The following KAZN variants were observed in gnomAD, a reference collection of about 807,000 sequenced individuals.
The protein encoded by KAZN is kazrin, periplakin interacting protein.
A neutral mutation model predicts 87.4 loss-of-function variants in KAZN; 40 were observed. The ratio of observed to expected loss-of-function variants is 0.46; its 90% CI spans 0.36 to 0.60. The LOEUF (loss-of-function observed/expected upper bound fraction) is 0.60, where lower values mean the gene tolerates loss of function less well. KAZN is among the 20% of genes least tolerant of loss of function. The pLI is 0.00. For missense variants in KAZN, 898 were observed against 1,073.9 expected (o/e 0.84, Z 2.29); for synonymous variants, 466 against 458.3 (o/e 1.02, Z -0.22).
At chr1:15,079,294 G>C (rs1450648408) in intron 8 of KAZN, among the ~76,000 whole-genome samples, 3 of 152,202 alleles carry the variant, frequency 2.0e-5, no homozygotes, top group East Asian at 3.8e-4. Flanking sequence ...CTGCTTGCCA[G>C]GGAGGGGGCT....
At chr1:14,762,739 AAAG>A (rs1644776569) in intron 1 of KAZN, among the ~76,000 whole-genome samples, 1 of 151,418 alleles carries the variant, frequency 6.6e-6, no homozygotes, top group Admixed American at 6.6e-5. Context: ...AAAAAAAAAG[AAAG>A]AAGAAGAGAA....
At chr1:14,112,540 C>T (rs1644522473) in intron 1 of KAZN, among the ~76,000 whole-genome samples, 1 of 152,160 alleles carries the variant, frequency 6.6e-6, no homozygotes, top group Non-Finnish European at 1.5e-5. Flanking sequence ...GGACCCTCAC[C>T]CTTGTATGAT....
chr1:14,570,312 AG>A (rs1434465757), intron 2 of KAZN, among the ~76,000 whole-genome samples: 1 of 152,130 alleles, frequency 6.6e-6, no homozygotes, highest in Non-Finnish European at 1.5e-5. Context: ...TTTTATCTAC[AG>A]AATTGTATGT....
chr1:14,569,454 C>T (rs1250064244), intron 2 of KAZN, among the ~76,000 whole-genome samples: 1 of 151,428 alleles, frequency 6.6e-6, no homozygotes, highest in Non-Finnish European at 1.5e-5. Context: ...TCCCGAGTAG[C>T]TGGGATTACA....
intron 1 of KAZN, among the ~76,000 whole-genome samples, chr1:13,960,609 A>C (rs1299451995): frequency 6.6e-6 from 1 of 152,198 alleles, no homozygotes; most frequent in Non-Finnish European, 1.5e-5. Flanking sequence ...TGAATGCATC[A>C]CATTGACGCC....
At chr1:14,945,841 G>C in intron 1 of KAZN, 2 of 984,862 alleles carry the variant, frequency 2.0e-6, no homozygotes, top group Non-Finnish European at 2.4e-6. Context: ...GCTCCGGCCC[G>C]GAAGACTTGG....
chr1:15,031,675 C>T (rs1671721679), intron 2 of KAZN, among the ~76,000 whole-genome samples: 4 of 152,140 alleles, frequency 2.6e-5, no homozygotes, highest in Admixed American at 2.6e-4. Flanking sequence ...ATGAACATGA[C>T]TCACTGCAGC....
intron 1 of KAZN, among the ~76,000 whole-genome samples, chr1:14,075,166 C>T (rs1643404149): frequency 6.6e-6 from 1 of 152,058 alleles, no homozygotes; most frequent in Admixed American, 6.6e-5. Context: ...ATATAAATAC[C>T]TGGTCTTTTT....
chr1:14,230,060 A>G (rs1647667131), intron 2 of KAZN, among the ~76,000 whole-genome samples: 1 of 152,252 alleles, frequency 6.6e-6, no homozygotes, highest in Non-Finnish European at 1.5e-5. Flanking sequence ...TCATGTGGGT[A>G]TTGAACACTA....
chr1:14,039,746 A>G (rs1641717772), intron 1 of KAZN, among the ~76,000 whole-genome samples: 1 of 152,194 alleles, frequency 6.6e-6, no homozygotes, highest in Non-Finnish European at 1.5e-5. Flanking sequence ...AGATTTAGAG[A>G]AAACCCTGAC....
rs554937558 is a variant in KAZN, at chr1:14,958,597, G to A, written c.227-2087G>A. 1.4e-4 allele frequency among the ~76,000 whole-genome samples: 21 copies of A among 152,316 alleles called. No homozygotes were observed. In the South Asian group the frequency reaches 1.9e-3, roughly 14 times the overall value. ...GCAGTGTCCGAGGCTCAGCAGGGTG[G>A]GACAGCCACCACATGCCTGGCCGGA... On this transcript the variant is annotated intron_variant, in intron 1 of 14. Coordinates refer to ENST00000376030, the MANE Select transcript of KAZN (RefSeq NM_201628.3).
At chr1:14,727,722 T>C (rs1237999735) in intron 1 of KAZN, among the ~76,000 whole-genome samples, 1 of 151,772 alleles carries the variant, frequency 6.6e-6, no homozygotes, top group Non-Finnish European at 1.5e-5. Context: ...CACCACGGCC[T>C]CCCTAAGTGT....
chr1:14,114,206 G>A (rs140142825), intron 1 of KAZN, among the ~76,000 whole-genome samples: 15 of 152,276 alleles, frequency 9.9e-5, no homozygotes, highest in East Asian at 5.8e-4. Context: ...AGCAGCAGAC[G>A]GCCCCATTAT....
intron 2 of KAZN, among the ~76,000 whole-genome samples, chr1:14,362,502 A>G (rs1244648651): frequency 2.6e-5 from 4 of 152,232 alleles, no homozygotes; most frequent in South Asian, 2.1e-4. Flanking sequence ...GGTCCTGCCT[A>G]TGCTCAAAGG....
chr1:14,955,415 C>A (rs1201567064), intron 1 of KAZN, among the ~76,000 whole-genome samples: 4 of 152,226 alleles, frequency 2.6e-5, no homozygotes, highest in Admixed American at 2.6e-4. Flanking sequence ...GGAGCTTAGG[C>A]TGAGATTGCA....
intron 2 of KAZN, among the ~76,000 whole-genome samples, chr1:14,385,616 A>G: frequency 6.6e-6 from 1 of 151,762 alleles, no homozygotes; most frequent in African/African-American, 2.4e-5. Flanking sequence ...CATGTAGTTG[A>G]GCGGTTTTGA....
Position 15,065,742 on chromosome 1 carries a change from G to A in KAZN, c.1211G>A (p.Gly404Asp), listed in dbSNP as rs769709217. 2 of 1,614,100 alleles carry A rather than the reference G, an allele frequency of 1.2e-6. No homozygotes were observed. The highest frequency in any genetic ancestry group is 1.3e-5 in the African/African-American group (1 of 74,946). The change falls in exon 8 of 15, where the codon GGC becomes GAC. Residue 404 changes from glycine to aspartate, a missense_variant. Gly to Asp is a moderately conservative substitution (Grantham distance 94, BLOSUM62 -1). Coordinates refer to ENST00000376030, the MANE Select transcript of KAZN (RefSeq NM_201628.3). ...AAGCAGCGGAAGTCCCTCGACCCCGGCCTCTTTGATGGTACCGCCCCTGAT... is the reference window on the plus strand; with the variant it reads ...AAGCAGCGGAAGTCCCTCGACCCCGACCTCTTTGATGGTACCGCCCCTGAT... ...RGKQRKSLDP[G>D]LFDDSDSQCS...
chr1:14,447,302 G>A (rs1667040747), intron 2 of KAZN, among the ~76,000 whole-genome samples: 1 of 150,672 alleles, frequency 6.6e-6, no homozygotes, highest in Non-Finnish European at 1.5e-5. Context: ...GCAGTGGCGT[G>A]ATCTCAGCTC....
At chr1:14,292,363 G>A (rs1226822535) in intron 2 of KAZN, among the ~76,000 whole-genome samples, 1 of 152,206 alleles carries the variant, frequency 6.6e-6, no homozygotes, top group African/African-American at 2.4e-5. Flanking sequence ...CCTGGAGGGG[G>A]GCCTCTGGAA....
Sources: gnomAD v4.1 joint callset for allele counts (sites outside exome capture counted in the v4.1 genomes callset) on GRCh38, gnomAD v4.1.1 for gene constraint, MANE v1.5 for transcripts, NCBI Gene and HGNC (gene_info 2026-07-23, HGNC 2026-07-21) for gene names.